GRHL2: variants seen among roughly 807,000 people sequenced by gnomAD.
GRHL2 encodes the protein grainyhead-like protein 2 homolog.
In GRHL2, 21 loss-of-function variants were observed where a neutral mutation model predicts 83.8. That is an observed-to-expected ratio of 0.25 (90% CI 0.18 to 0.36). The LOEUF (loss-of-function observed/expected upper bound fraction) is 0.36, where lower values mean the gene tolerates loss of function less well. Ranked by LOEUF, GRHL2 falls within the 10% of genes least tolerant of loss-of-function variation. GRHL2 has a pLI of 1.00. For missense variants in GRHL2, 623 were observed against 781.8 expected (o/e 0.80, Z 2.42); for synonymous variants, 280 against 278.9 (o/e 1.00, Z -0.04).
intron 2 of GRHL2, among the ~76,000 whole-genome samples, chr8:101,548,894 G>A (rs751059485): frequency 4.6e-5 from 7 of 152,276 alleles, no homozygotes; most frequent in Non-Finnish European, 5.9e-5. Flanking sequence ...TTTGGGAGTC[G>A]CTAACATGTT....
In GRHL2 at chr8:101,492,581, G is replaced by T; in HGVS notation, c.-189G>T. The T allele has an allele frequency of 4.3e-6, 3 of 692,976 alleles. No homozygotes were observed. Among genetic ancestry groups the T allele is most frequent in the South Asian group, 1.6e-5 (1 of 62,198 alleles). The allele number at this position is 692,976 out of a possible 1,614,324, so 42.9% of individuals were successfully genotyped here. On this transcript the variant is annotated 5_prime_UTR_variant, in exon 1 of 16. Transcript: ENST00000646743. ...GGGCCCCCCCTTATCCCACCTTTCC[G>T]GCTAGGTGAGGGCGCGAGCGGGCGA...
chr8:101,572,424 TTTC>T (rs941555866), intron 5 of GRHL2, among the ~76,000 whole-genome samples: 2 of 152,230 alleles, frequency 1.3e-5, no homozygotes, highest in African/African-American at 2.4e-5. Context: ...CCCTTCAGAT[TTTC>T]TTATTATAAA....
intron 1 of GRHL2, chr8:101,528,598 T>C (rs116409738): frequency 0.018 from 3,069 of 170,432 alleles, 31 homozygotes; most frequent in Middle Eastern, 0.04. Context: ...TTAGGTATAT[T>C]TGTGACCGAG....
chr8:101,503,422 C>T (rs1201923964), intron 1 of GRHL2, among the ~76,000 whole-genome samples: 1 of 152,080 alleles, frequency 6.6e-6, no homozygotes, highest in African/African-American at 2.4e-5. Context: ...TAAGAAAATA[C>T]AGATGATATA....
chr8:101,633,477 A>T (rs1243942687), intron 11 of GRHL2, among the ~76,000 whole-genome samples: 2 of 152,098 alleles, frequency 1.3e-5, no homozygotes, highest in East Asian at 3.9e-4. Flanking sequence ...TCTCTTTTGG[A>T]TGTATTTTGT....
At chr8:101,575,486 G>C (rs187882729) in intron 6 of GRHL2, among the ~76,000 whole-genome samples, 233 of 152,198 alleles carry the variant, frequency 1.5e-3, no homozygotes, top group African/African-American at 4.7e-3. Flanking sequence ...AGACTAAGTT[G>C]GCGCCTCTCA....
At chr8:101,519,265 C>T (rs1274148267) in intron 1 of GRHL2, among the ~76,000 whole-genome samples, 1 of 151,742 alleles carries the variant, frequency 6.6e-6, no homozygotes, top group African/African-American at 2.4e-5. Flanking sequence ...TCAAGTAATC[C>T]TCCCGCCTTG....
At chr8:101,528,843 T>G (rs953478148) in intron 1 of GRHL2, 12 of 352,750 alleles carry the variant, frequency 3.4e-5, no homozygotes, top group African/African-American at 2.4e-4. Context: ...TTTGAGCTCT[T>G]TCCTTTAGCT....
At chr8:101,578,969 T>A (rs1001872242) in intron 7 of GRHL2, among the ~76,000 whole-genome samples, 1 of 152,188 alleles carries the variant, frequency 6.6e-6, no homozygotes, top group South Asian at 2.1e-4. Flanking sequence ...TAGTCAAACA[T>A]ATTTATCGAA....
At chr8:101,499,801 G>T (rs1810185558) in intron 1 of GRHL2, among the ~76,000 whole-genome samples, 1 of 152,200 alleles carries the variant, frequency 6.6e-6, no homozygotes. Flanking sequence ...GGCCTGGCCA[G>T]GCGCGGTGGC....
intron 2 of GRHL2, among the ~76,000 whole-genome samples, chr8:101,547,462 C>T (rs752123642): frequency 6.6e-6 from 1 of 152,210 alleles, no homozygotes; most frequent in African/African-American, 2.4e-5. Context: ...ATGAGCTACA[C>T]GCAGGCACTC....
At chr8:101,588,893 C>G (rs1258604488) in intron 7 of GRHL2, among the ~76,000 whole-genome samples, 1 of 152,180 alleles carries the variant, frequency 6.6e-6, no homozygotes, top group Non-Finnish European at 1.5e-5. Flanking sequence ...ACTTCAGAAA[C>G]AGTTCAGTTT....
chr8:101,680,346 T>G, the GRHL2 span, among the ~76,000 whole-genome samples: 1 of 143,204 alleles, frequency 7.0e-6, no homozygotes, highest in African/African-American at 2.7e-5. Context: ...TACATAATGG[T>G]AAAGGGATCA....
chr8:101,573,987 T>A, intron 6 of GRHL2, 163 bp downstream of exon 6: 1 of 776,940 alleles, frequency 1.3e-6, no homozygotes, highest in Non-Finnish European at 2.2e-6. Context: ...TGGCTCGTAG[T>A]TGATCATTGT....
chr8:101,556,640 A>G (rs1448282679), intron 3 of GRHL2, among the ~76,000 whole-genome samples: 1 of 152,194 alleles, frequency 6.6e-6, no homozygotes, highest in Non-Finnish European at 1.5e-5. Flanking sequence ...GAGATCTGGG[A>G]GATCTTGTTT....
chr8:101,532,063 T>C (rs1810940394), intron 1 of GRHL2, among the ~76,000 whole-genome samples: 4 of 152,268 alleles, frequency 2.6e-5, no homozygotes, highest in Non-Finnish European at 1.5e-5. Context: ...CCTGGGCTTA[T>C]GGATTCATTT....
chr8:101,543,427 C>G lies in GRHL2; in HGVS notation c.207C>G (p.Asp69Glu). ...CTGCTGCCCTCGGCCTGCTCTATGA[C>G]TACTACAAGGTAGGTCCCCAGCCTC... ...DSAAALGLLY[D>E]YYKVPRDKRL... The change falls in exon 2 of 16, where the codon GAC becomes GAG. Residue 69 changes from aspartate (D) to glutamate (E), a missense_variant. Asp to Glu is a conservative substitution (Grantham distance 45). Transcript: ENST00000646743. 6.2e-7 allele frequency: 1 copy of G among 1,613,966 alleles called. No individual in the cohort carries two copies. Among genetic ancestry groups the G allele is most frequent in the East Asian group, 2.2e-5 (1 of 44,872 alleles).
intron 14 of GRHL2, among the ~76,000 whole-genome samples, chr8:101,652,196 C>T (rs1363497379): frequency 6.6e-6 from 1 of 151,546 alleles, no homozygotes; most frequent in Non-Finnish European, 1.5e-5. Context: ...CGACACTTTA[C>T]CATAGTGACA....
intron 9 of GRHL2, among the ~76,000 whole-genome samples, chr8:101,629,463 T>TTTA (rs760948227): frequency 5.9e-5 from 9 of 152,138 alleles, no homozygotes; most frequent in Non-Finnish European, 1.2e-4. Flanking sequence ...TATTTGTTTT[T>TTTA]TTATGGGGGT....
Sources: allele counts gnomAD v4.1 joint callset (sites outside exome capture counted in the v4.1 genomes callset), GRCh38; gene constraint gnomAD v4.1.1; transcripts MANE v1.5; gene names NCBI Gene and HGNC (gene_info 2026-07-23, HGNC 2026-07-21).